Variants in RTN1 observed in about 807,000 individuals in gnomAD.
The protein encoded by RTN1 is reticulon-1.
RTN1 carries 25 observed loss-of-function variants against 65.5 expected under a neutral mutation model. That is an observed-to-expected ratio of 0.38 (90% CI 0.28 to 0.53). RTN1 has a LOEUF of 0.53. Ranked by LOEUF, RTN1 falls within the 20% of genes least tolerant of loss-of-function variation. The pLI, the probability that RTN1 is intolerant of heterozygous loss-of-function variation, is 0.79. For missense variants in RTN1, 983 were observed against 1,025.4 expected, an observed-to-expected ratio of 0.96 and a Z score of 0.57; for synonymous variants, 471 against 447.6, an observed-to-expected ratio of 1.05 and a Z score of -0.66.
chr14:59,816,208 C>T lies in RTN1; in HGVS notation c.241+54182G>A, dbSNP rs1033260549. Among the ~76,000 whole-genome samples the T allele has an allele frequency of 4.6e-5, 7 of 152,050 alleles. No homozygotes were observed. The highest frequency in any genetic ancestry group is 1.7e-4 in the African/African-American group (7 of 41,372). On this transcript the variant is annotated intron_variant, in intron 1 of 8. Transcript: ENST00000267484. This position sits in a 1 kb window ranked among gnomAD's most constrained non-coding sequence, Gnocchi z 4.3. The stretch of plus-strand genomic sequence containing the variant: ...ACTAAAGTATGCACACACACACACA[C>T]AAGCTTGCGTGCGTGCACACACACA...
rs773309848 is a variant in RTN1, at chr14:59,727,280, G to A, written c.1404C>T (p.Ile468=). The stretch of plus-strand genomic sequence containing the variant: ...AGGCCGAGGAGGCGTCGCACGACTC[G>A]ATGATGAGCTCGCTGTCCAGCTCGG... ...REAELDSELI[I]ESCDASSASE... is the part of the protein sequence containing the mutation. Residue 468 remains isoleucine, a synonymous_variant, in exon 3 of 9, where the codon ATC becomes ATT. Transcript: ENST00000267484. The surrounding 1 kb of genome is among the most constrained non-coding windows in gnomAD (Gnocchi z 4.2). 3.3e-6 allele frequency: 5 copies of A among 1,504,282 alleles called. No individual in the cohort carries two copies. Among genetic ancestry groups the A allele is most frequent in the Non-Finnish European group, 4.4e-6 (5 of 1,125,836 alleles). 93.2% of individuals were successfully genotyped at this position (1,504,282 alleles called of 1,614,324 possible).
At chr14:59,647,037 T>C (rs1169257847) in intron 3 of RTN1, 2 of 153,370 alleles carry the variant, frequency 1.3e-5, no homozygotes, top group African/African-American at 2.4e-5. Context: ...CAAGGCCCAA[T>C]GGTATGCTGT....
At chr14:59,654,632 T>G (rs541014262) in intron 3 of RTN1, among the ~76,000 whole-genome samples, 52 of 152,076 alleles carry the variant, frequency 3.4e-4, no homozygotes, top group African/African-American at 1.2e-3. Context: ...ACATCATGAT[T>G]AGGTGGGATT....
chr14:59,608,552 C>T (rs975327627), intron 3 of RTN1, among the ~76,000 whole-genome samples: 4 of 152,200 alleles, frequency 2.6e-5, no homozygotes, highest in African/African-American at 9.6e-5. Flanking sequence ...GAGTAAAGTA[C>T]TAACCCTCTC....
Position 59,788,640 on chromosome 14 carries a change from C to T in RTN1, c.242-42159G>A, listed in dbSNP as rs1445970648. 3.9e-5 allele frequency among the ~76,000 whole-genome samples: 6 copies of T among 152,060 alleles called. No individual in the cohort carries two copies. The East Asian group carries it at 1.2e-3, about 29-fold the overall frequency. On this transcript the variant is annotated intron_variant, in intron 1 of 8. Transcript: ENST00000267484. ...TTGTTTTTAATACTAATTTGAAATG[C>T]TTCATTTTTAAATACCCAATGTTTA...
intron 1 of RTN1, among the ~76,000 whole-genome samples, chr14:59,798,307 T>C (rs1472444104): frequency 6.6e-6 from 1 of 152,230 alleles, no homozygotes; most frequent in Non-Finnish European, 1.5e-5. Context: ...GGGCAAGTTA[T>C]ATCAGCTTAT....
At chr14:59,705,895 G>C (rs1167751748) in intron 3 of RTN1, among the ~76,000 whole-genome samples, 1 of 152,170 alleles carries the variant, frequency 6.6e-6, no homozygotes, top group East Asian at 1.9e-4. Context: ...AGGCTGAAAG[G>C]CCTCAGAGCC....
At chr14:59,637,214 C>T (rs1882683665) in intron 3 of RTN1, among the ~76,000 whole-genome samples, 1 of 152,224 alleles carries the variant, frequency 6.6e-6, no homozygotes, top group African/African-American at 2.4e-5. Context: ...ACAGCATCTT[C>T]ACCAGGAGTA....
chr14:59,646,507 A>G (rs1324485825), intron 3 of RTN1, among the ~76,000 whole-genome samples: 1 of 152,200 alleles, frequency 6.6e-6, no homozygotes, highest in Non-Finnish European at 1.5e-5. Context: ...AAGATACACA[A>G]TCAGACTTTC....
chr14:59,745,166 T>C (rs180761659), intron 2 of RTN1, among the ~76,000 whole-genome samples: 4 of 152,346 alleles, frequency 2.6e-5, no homozygotes, highest in East Asian at 3.9e-4. Flanking sequence ...CTGTACCCAC[T>C]TGGGACCCTT....
At chr14:59,642,234 G>T (rs1882796720) in intron 3 of RTN1, among the ~76,000 whole-genome samples, 1 of 152,074 alleles carries the variant, frequency 6.6e-6, no homozygotes, top group African/African-American at 2.4e-5. Context: ...TTCTTAGAAA[G>T]TAACTGTTAT....
At chr14:59,756,859 CTG>C (rs1432782391) in intron 1 of RTN1, among the ~76,000 whole-genome samples, 1 of 98,482 alleles carries the variant, frequency 1.0e-5, no homozygotes, top group Non-Finnish European at 1.9e-5. Flanking sequence ...TTTTTTGTCT[CTG>C]TTGCCCAGGC....
chr14:59,646,895 C>T (rs1882909352), intron 3 of RTN1: 1 of 154,002 alleles, frequency 6.5e-6, no homozygotes, highest in African/African-American at 2.4e-5. Context: ...GCATAAAAAA[C>T]AGATAACAAT....
At position 59,831,761 on chromosome 14, in the gene RTN1, C is replaced by CAT. The variant is rs142890244; in HGVS notation, c.241+38627_241+38628dup. Among the ~76,000 whole-genome samples, 568 of 150,828 alleles carry CAT rather than the reference C, an allele frequency of 3.8e-3. 19 individuals are homozygous for CAT. In the East Asian group the frequency reaches 0.058, roughly 15 times the overall value. ...ATATATATATTCCATATATATAATC[C>CAT]ATATATATATATACATCCTATTGGT... On this transcript the variant is annotated intron_variant, in intron 1 of 8. Transcript: ENST00000267484.
At chr14:59,839,917 C>A (rs970302183) in intron 1 of RTN1, among the ~76,000 whole-genome samples, 4 of 152,008 alleles carry the variant, frequency 2.6e-5, no homozygotes, top group Admixed American at 1.3e-4. Context: ...ATAAAATTAA[C>A]CTGTCCTCTC....
intron 3 of RTN1, among the ~76,000 whole-genome samples, chr14:59,646,641 C>T (rs543525052): frequency 1.3e-5 from 2 of 152,336 alleles, no homozygotes; most frequent in South Asian, 2.1e-4. Context: ...CTATATTCAA[C>T]ATTCTCAATG....
At chr14:59,865,459 T>C (rs1887782615) in intron 1 of RTN1, among the ~76,000 whole-genome samples, 1 of 152,174 alleles carries the variant, frequency 6.6e-6, no homozygotes, top group Non-Finnish European at 1.5e-5. Flanking sequence ...CAGTATCTCT[T>C]TCTGTATGTT....
chr14:59,607,726 A>G (rs980879596), intron 3 of RTN1: 1 of 540,872 alleles, frequency 1.8e-6, no homozygotes, highest in Non-Finnish European at 3.3e-6. Flanking sequence ...ATAAGAAAAG[A>G]CTATTGAATC....
At chr14:59,835,817 T>C (rs571062118) in intron 1 of RTN1, among the ~76,000 whole-genome samples, 1 of 152,322 alleles carries the variant, frequency 6.6e-6, no homozygotes, top group African/African-American at 2.4e-5. Flanking sequence ...ACAGGTGTTA[T>C]TATTTTTCTA....
Sources: allele counts gnomAD v4.1 joint callset (sites outside exome capture counted in the v4.1 genomes callset), GRCh38; gene constraint gnomAD v4.1.1; non-coding constraint Gnocchi (gnomAD v3.1); transcripts MANE v1.5; gene names NCBI Gene and HGNC (gene_info 2026-07-23, HGNC 2026-07-21).